Variants in MCM5 observed in about 807,000 individuals in gnomAD.
MCM5 encodes minichromosome maintenance complex component 5.
A neutral mutation model predicts 79.9 loss-of-function variants in MCM5; 46 were observed. That is an observed-to-expected ratio of 0.58 (90% CI 0.45 to 0.74). The LOEUF is 0.74. MCM5 is among the 30% of genes least tolerant of loss of function. MCM5 has a pLI of 0.00. For synonymous variants in MCM5, 404 were observed against 390.5 expected, an observed-to-expected ratio of 1.03 and a Z score of -0.41; for missense variants, 883 against 1,017.0, an observed-to-expected ratio of 0.87 and a Z score of 1.79.
chr22:35,436,145 CAA>C, the MCM5 span, among the ~76,000 whole-genome samples: 2 of 100,348 alleles, frequency 2.0e-5, no homozygotes, highest in Non-Finnish European at 3.7e-5. Flanking sequence ...GCCTGGGCAA[CAA>C]GAGCAAAACT....
the MCM5 span, among the ~76,000 whole-genome samples, chr22:35,440,272 G>C: frequency 2.0e-5 from 3 of 152,332 alleles, no homozygotes; most frequent in East Asian, 5.8e-4. Context: ...AGATCAGTAG[G>C]CCCCCCTGGG....
chr22:35,440,453 G>A, the MCM5 span, among the ~76,000 whole-genome samples: 3 of 152,206 alleles, frequency 2.0e-5, no homozygotes, highest in Non-Finnish European at 2.9e-5. Flanking sequence ...TGTGACCCCT[G>A]AACTGCCTGG....
At position 35,405,461 on chromosome 22, in the gene MCM5, G is replaced by A. The variant is rs559910184; in HGVS notation, c.424-1092G>A. Among the ~76,000 whole-genome samples the A allele has an allele frequency of 6.6e-5, 10 of 152,036 alleles. No homozygotes were observed. The South Asian group carries it at 1.9e-3, about 28-fold the overall frequency. On this transcript the variant is annotated intron_variant, in intron 4 of 16. Coordinates refer to ENST00000216122, the MANE Select transcript of MCM5 (RefSeq NM_006739.4). ...AGCTCACTGTAACCCCTGCTTCCCCGGTTCAAGCAATTCTCCGGCCTCAGC... is the reference window on the plus strand; with the variant it reads ...AGCTCACTGTAACCCCTGCTTCCCCAGTTCAAGCAATTCTCCGGCCTCAGC...
At position 35,403,613 on chromosome 22, in the gene MCM5, G is replaced by A. The variant is rs1175317914; in HGVS notation, c.423+71G>A. On this transcript the variant is annotated intron_variant, in intron 4 of 16. Transcript: ENST00000216122. ...ATGCAGCCAGACCTGAGTGCTAGCTGTGTGGCCTTGAGTGAGGCACTTGAC... is the reference window on the plus strand; with the variant it reads ...ATGCAGCCAGACCTGAGTGCTAGCTATGTGGCCTTGAGTGAGGCACTTGAC... 1.1e-5 allele frequency: 17 copies of A among 1,568,136 alleles called. No individual in the cohort carries two copies. The Admixed American group carries it at 2.6e-4, about 24-fold the overall frequency.
chr22:35,406,475 C>T (rs1932218470), intron 4 of MCM5, 78 bp from the exon 5 acceptor site: 4 of 1,384,628 alleles, frequency 2.9e-6, no homozygotes, highest in Admixed American at 1.8e-5. Context: ...CAGGCTCCTG[C>T]CCAGGATATT....
intron 7 of MCM5, 34 bp downstream of exon 7, chr22:35,410,944 C>T (rs373034855): frequency 6.5e-7 from 1 of 1,546,320 alleles, no homozygotes; most frequent in Non-Finnish European, 8.7e-7. Flanking sequence ...CTTAGCCCTG[C>T]TAAAAGGCTG....
chr22:35,423,163 G>T, intron 15 of MCM5, 51 bp from the exon 16 acceptor site: 1 of 1,509,448 alleles, frequency 6.6e-7, no homozygotes, highest in East Asian at 2.4e-5. Context: ...CTCTGTCCAA[G>T]AACTCCCATT....
At chr22:35,401,840 G>C (rs4645742) in intron 2 of MCM5, 8 of 386,036 alleles carry the variant, frequency 2.1e-5, no homozygotes, top group East Asian at 1.4e-4. Flanking sequence ...GAAGTTTTCC[G>C]GGGGGCTGAA....
the MCM5 span, among the ~76,000 whole-genome samples, chr22:35,454,895 C>G: frequency 6.6e-6 from 1 of 152,104 alleles, no homozygotes; most frequent in African/African-American, 2.4e-5. Context: ...CAGTAGCATC[C>G]TTCAGTTGTG....
the MCM5 span, among the ~76,000 whole-genome samples, chr22:35,433,718 C>G: frequency 1.3e-5 from 2 of 152,242 alleles, no homozygotes; most frequent in African/African-American, 4.8e-5. Context: ...ACTTTTCCAT[C>G]TGCAGGACCC....
chr22:35,436,070 G>A, the MCM5 span, among the ~76,000 whole-genome samples: 1 of 151,044 alleles, frequency 6.6e-6, no homozygotes, highest in African/African-American at 2.5e-5. Flanking sequence ...GGGAGGCTGA[G>A]GCAGGAGAAT....
intron 9 of MCM5, among the ~76,000 whole-genome samples, chr22:35,414,989 C>T (rs922899710): frequency 6.6e-6 from 1 of 152,168 alleles, no homozygotes; most frequent in Non-Finnish European, 1.5e-5. Flanking sequence ...AAATTTGCCA[C>T]ACTGGCACTG....
chr22:35,403,718 A>C (rs1201503791), intron 4 of MCM5, among the ~76,000 whole-genome samples, 176 bp downstream of exon 4: 1 of 152,236 alleles, frequency 6.6e-6, no homozygotes, highest in Admixed American at 6.5e-5. Flanking sequence ...TTACACACCC[A>C]AAAGCAGAGA....
Position 35,417,989 on chromosome 22 carries a change from A to G in MCM5, c.1703+133A>G, listed in dbSNP as rs569178702. The G allele has an allele frequency of 2.9e-5, 19 of 647,032 alleles. No individual in the cohort carries two copies. In the East Asian group the frequency reaches 5.0e-4, roughly 17 times the overall value. 40.1% of individuals were successfully genotyped at this position (647,032 alleles called of 1,614,324 possible). ...TTGCTGTTCTGAGGTTCTCAGCTCT[A>G]CTGAATCTGCTCTGCTCCCTTCTAA... is the stretch of plus-strand genomic sequence containing the variant. On this transcript the variant is annotated intron_variant, in intron 13 of 16. Transcript: ENST00000216122.
At chr22:35,442,370 A>T in the MCM5 span, among the ~76,000 whole-genome samples, 1 of 152,022 alleles carries the variant, frequency 6.6e-6, no homozygotes, top group African/African-American at 2.4e-5. Flanking sequence ...AAAAAAAAAA[A>T]CATCACAAAC....
chr22:35,442,320 C>T, the MCM5 span, among the ~76,000 whole-genome samples: 6 of 150,894 alleles, frequency 4.0e-5, no homozygotes, highest in Non-Finnish European at 7.4e-5. Context: ...CCTAGGGGGC[C>T]GACATCCATG....
Position 35,415,910 on chromosome 22 carries a change from A to C in MCM5, c.1285A>C (p.Met429Leu), listed in dbSNP as rs969998460. 1 of 1,614,160 alleles carries C rather than the reference A, an allele frequency of 6.2e-7. No individual in the cohort carries two copies. Among genetic ancestry groups the C allele is most frequent in the Non-Finnish European group, 8.5e-7 (1 of 1,180,032 alleles). ...GGACCCTTCGTCCCGGAATTTCATC[A>C]TGGAGGGCGGAGCCATGGTCCTGGC... Reference protein sequence around the residue: ...MRDPSSRNFIMEGGAMVLADG... With the variant: ...MRDPSSRNFILEGGAMVLADG... The change falls in exon 10 of 17, where the codon ATG (methionine) becomes CTG (leucine). Residue 429 changes from methionine (M) to leucine (L), a missense_variant. By Grantham distance (15) the Met-to-Leu change is conservative (BLOSUM62 2). Transcript: ENST00000216122.
At chr22:35,420,083 C>A in intron 14 of MCM5, 71 bp downstream of exon 14, 1 of 1,516,968 alleles carries the variant, frequency 6.6e-7, no homozygotes, top group East Asian at 2.4e-5. Context: ...GCTTGGCAAC[C>A]AGGGGCAGTG....
At position 35,403,511 on chromosome 22, in the gene MCM5, A is replaced by T. The variant is rs754526199; in HGVS notation, c.392A>T (p.Asp131Val). Residue 131 changes from aspartate (D) to valine (V), a missense_variant, in exon 4 of 17, where the codon GAC (aspartate) becomes GTC (valine). By Grantham distance (152) the Asp-to-Val change is radical. Coordinates refer to ENST00000216122, the MANE Select transcript of MCM5 (RefSeq NM_006739.4). ...LQDIQVMLKS[D>V]ASPSSIRSLK... ...GACATCCAGGTCATGCTCAAGTCGG[A>T]CGCCAGCCCTTCCAGCATTCGTAGC... 6.2e-7 allele frequency: 1 copy of T among 1,614,084 alleles called. No homozygotes were observed. Among genetic ancestry groups the T allele is most frequent in the Admixed American group, 1.7e-5 (1 of 60,008 alleles).
Sources: gnomAD v4.1 joint callset for allele counts (sites outside exome capture counted in the v4.1 genomes callset) on GRCh38, gnomAD v4.1.1 for gene constraint, MANE v1.5 for transcripts, NCBI Gene and HGNC (gene_info 2026-07-23, HGNC 2026-07-21) for gene names.